COL4A3: variants seen among roughly 807,000 people sequenced by gnomAD.
COL4A3 encodes the protein collagen alpha-3(IV) chain.
COL4A3 carries 135 observed loss-of-function variants against 217.4 expected under a neutral mutation model. That is an observed-to-expected ratio of 0.62 (90% CI 0.54 to 0.72). The LOEUF (loss-of-function observed/expected upper bound fraction) is 0.72. Ranked by LOEUF, COL4A3 falls within the 30% of genes least tolerant of loss-of-function variation. The pLI is 0.00. For synonymous variants in COL4A3, 690 were observed against 736.3 expected (o/e 0.94, Z 1.02); for missense variants, 1,868 against 2,119.9 (o/e 0.88, Z 2.33).
At position 227,201,107 on chromosome 2, in the gene COL4A3, GT is replaced by G. The variant is rs200281931; in HGVS notation, c.87+36296del. ...TAACAAATACATTTATTCTTATTAGGTTATGTTACCTTAATGACTCTCTTTT... is the reference window on the plus strand; with the variant it reads ...TAACAAATACATTTATTCTTATTAGGTATGTTACCTTAATGACTCTCTTTT... On this transcript the variant is annotated intron_variant, in intron 1 of 51. Transcript: ENST00000396578. Among the ~76,000 whole-genome samples the G allele has an allele frequency of 7.2e-3, 1,102 of 152,052 alleles. 7 individuals carry two copies. Among genetic ancestry groups the G allele is most frequent in the African/African-American group, 0.025 (1,054 of 41,482 alleles).
intron 38 of COL4A3, chr2:227,293,609 T>C (rs190055065): frequency 8.5e-5 from 41 of 480,654 alleles, no homozygotes; most frequent in Non-Finnish European, 1.4e-4. Context: ...TATACAATCA[T>C]AATGTTTGTA....
chr2:227,242,706 G>A (rs894248179), intron 3 of COL4A3, among the ~76,000 whole-genome samples: 14 of 152,144 alleles, frequency 9.2e-5, no homozygotes, highest in Admixed American at 8.5e-4. Context: ...CTATCACTCA[G>A]AATATTAGAA....
intron 9 of COL4A3, among the ~76,000 whole-genome samples, chr2:227,249,224 A>ATTTT (rs1320775871): frequency 8.3e-5 from 2 of 24,180 alleles, no homozygotes; most frequent in African/African-American, 2.8e-4. Flanking sequence ...ATATATATAT[A>ATTTT]TATATATTTT....
chr2:227,249,231 T>TATATATATATATA (rs71036175), intron 9 of COL4A3, among the ~76,000 whole-genome samples: 3 of 19,484 alleles, frequency 1.5e-4, no homozygotes, highest in Admixed American at 5.3e-4. Flanking sequence ...TATATATATA[T>TATATATATATATA]TTTTTTTTTT....
intron 9 of COL4A3, among the ~76,000 whole-genome samples, chr2:227,249,199 C>G (rs2069546497): frequency 1.1e-5 from 1 of 87,572 alleles, no homozygotes; most frequent in Non-Finnish European, 2.3e-5. Flanking sequence ...TTATATATAA[C>G]CAAAATTAGC....
chr2:227,248,417 G>A (rs1443633875), intron 8 of COL4A3, 26 bp from the exon 9 acceptor site: 6 of 1,409,896 alleles, frequency 4.3e-6, no homozygotes, highest in South Asian at 2.3e-5. Context: ...CATTGATGAT[G>A]TTTGATGAAC....
At chr2:227,245,349 C>T (rs1574672116) in intron 5 of COL4A3, among the ~76,000 whole-genome samples, 2 of 151,634 alleles carry the variant, frequency 1.3e-5, no homozygotes, top group African/African-American at 2.4e-5. Context: ...AAAACCATTA[C>T]ACTATAACAA....
intron 31 of COL4A3, chr2:227,281,863 G>A (rs1443078544): frequency 6.6e-6 from 1 of 152,562 alleles, no homozygotes; most frequent in East Asian, 1.9e-4. Flanking sequence ...AGAGCCAGAA[G>A]GGAGCTCAGA....
At chr2:227,285,746 A>C (rs2072279071) in intron 34 of COL4A3, among the ~76,000 whole-genome samples, 1 of 152,254 alleles carries the variant, frequency 6.6e-6, no homozygotes, top group Non-Finnish European at 1.5e-5. Flanking sequence ...ACAGAAGGAC[A>C]CATGATATGG....
At chr2:227,279,939 A>T (rs753093121) in intron 29 of COL4A3, 49 bp downstream of exon 29, 4 of 1,327,934 alleles carry the variant, frequency 3.0e-6, no homozygotes, top group Non-Finnish European at 4.3e-6. Context: ...GTGACCATTA[A>T]CTGGCCAGTT....
At chr2:227,171,232 T>A (rs1183300281) in intron 1 of COL4A3, among the ~76,000 whole-genome samples, 1 of 152,252 alleles carries the variant, frequency 6.6e-6, no homozygotes, top group Non-Finnish European at 1.5e-5. Flanking sequence ...AATCATTTCC[T>A]TGCTTTTTAA....
intron 1 of COL4A3, among the ~76,000 whole-genome samples, chr2:227,184,911 TTTTTTTTTG>T (rs2065973874): frequency 7.3e-6 from 1 of 137,556 alleles, no homozygotes; most frequent in African/African-American, 2.7e-5. Context: ...TTTTTTTTTT[TTTTTTTTTG>T]AGATGGAGTC....
At chr2:227,203,791 A>G (rs1196199244) in intron 1 of COL4A3, among the ~76,000 whole-genome samples, 1 of 150,300 alleles carries the variant, frequency 6.7e-6, no homozygotes, top group Non-Finnish European at 1.5e-5. Flanking sequence ...ATGTGTGTAT[A>G]TATATACACT....
chr2:227,172,035 G>A (rs972937141), intron 1 of COL4A3, among the ~76,000 whole-genome samples: 2 of 152,144 alleles, frequency 1.3e-5, no homozygotes, highest in African/African-American at 4.8e-5. Flanking sequence ...AGTTGTATAC[G>A]TGTTCACTTG....
intron 2 of COL4A3, among the ~76,000 whole-genome samples, chr2:227,239,199 G>C (rs114349385): frequency 6.6e-6 from 1 of 151,730 alleles, no homozygotes; most frequent in Non-Finnish European, 1.5e-5. Context: ...CTTCGGGGAG[G>C]GGGGGATATA....
chr2:227,276,456 C>T lies in COL4A3; in HGVS notation c.1999C>T (p.Pro667Ser). The change falls in exon 27 of 52, where the codon CCT becomes TCT. Residue 667 changes from proline (P) to serine (S), a missense_variant. Coordinates refer to ENST00000396578, the MANE Select transcript of COL4A3 (RefSeq NM_000091.5). ...PPGPPGPPGH[P>S]GPQGPPGIPG... ...AGGACCTCCAGGGCCCCCTGGCCAT[C>T]CTGGCCCCCAAGGTCCACCTGGTAA... 6.2e-7 allele frequency: 1 copy of T among 1,614,046 alleles called. No homozygotes were observed. The highest frequency in any genetic ancestry group is 8.5e-7 in the Non-Finnish European group (1 of 1,179,892).
rs2073805481 is a variant in COL4A3 at position 227,313,264 on chromosome 2, T to C, written c.*1394T>C. The C allele has an allele frequency of 6.6e-6, 1 of 152,634 alleles. No individual in the cohort carries two copies. The highest frequency in any genetic ancestry group is 1.5e-5 in the Non-Finnish European group (1 of 68,040). The allele number at this position is 152,634 out of a possible 1,614,324, so 9.5% of individuals were successfully genotyped here. ...CAAGTAGCTTCCCTCCCCTCTAGTT[T>C]TTTCTTCCTTTTCACTGCTGTTATA... On this transcript the variant is annotated 3_prime_UTR_variant, in exon 52 of 52. Transcript: ENST00000396578.
chr2:227,303,601 A>G (rs2073381807), intron 44 of COL4A3, among the ~76,000 whole-genome samples: 1 of 152,230 alleles, frequency 6.6e-6, no homozygotes, highest in African/African-American at 2.4e-5. Context: ...CTTCCCCTTC[A>G]ATGTTAAAAT....
intron 38 of COL4A3, chr2:227,294,097 T>C (rs2072910773): frequency 7.0e-6 from 2 of 287,558 alleles, no homozygotes; most frequent in Non-Finnish European, 1.3e-5. Context: ...CTTATTAGCT[T>C]ACAATTCAGG....
Sources: allele counts gnomAD v4.1 joint callset (sites outside exome capture counted in the v4.1 genomes callset), GRCh38; gene constraint gnomAD v4.1.1; transcripts MANE v1.5; gene names NCBI Gene and HGNC (gene_info 2026-07-23, HGNC 2026-07-21).